The following CLASP2 variants were observed in gnomAD, a reference collection of about 807,000 sequenced individuals.
The protein encoded by CLASP2 is CLIP-associating protein 2.
CLASP2 carries 47 observed loss-of-function variants against 194.4 expected under a neutral mutation model. The observed-to-expected ratio is 0.24, with a 90% CI of 0.19 to 0.31. The LOEUF (loss-of-function observed/expected upper bound fraction) is 0.31. Ranked by LOEUF, CLASP2 falls within the 10% of genes least tolerant of loss-of-function variation. The pLI, the probability that CLASP2 is intolerant of heterozygous loss-of-function variation, is 1.00. For synonymous variants in CLASP2, 619 were observed against 633.5 expected, an observed-to-expected ratio of 0.98 and a Z score of 0.34; for missense variants, 1,445 against 1,823.6, an observed-to-expected ratio of 0.79 and a Z score of 3.78.
intron 7 of CLASP2, among the ~76,000 whole-genome samples, chr3:33,652,029 C>T (rs142494647): frequency 1.3e-5 from 2 of 152,242 alleles, no homozygotes; most frequent in Non-Finnish European, 2.9e-5. Context: ...ATATAAACTG[C>T]ACCATTTTAC....
intron 21 of CLASP2, among the ~76,000 whole-genome samples, chr3:33,591,457 CAA>C (rs1437703920): frequency 6.6e-6 from 1 of 151,606 alleles, no homozygotes; most frequent in African/African-American, 2.4e-5. Context: ...TTAAAACAAA[CAA>C]AAAATTAGCC....
At chr3:33,659,050 C>G in intron 7 of CLASP2, 1 of 1,532,038 alleles carries the variant, frequency 6.5e-7, no homozygotes, top group Non-Finnish European at 8.7e-7. Context: ...ATAAGTACAG[C>G]TCAGTGCCTG....
chr3:33,584,674 C>T, intron 22 of CLASP2, 76 bp downstream of exon 22: 1 of 1,320,436 alleles, frequency 7.6e-7, no homozygotes, highest in South Asian at 1.6e-5. Flanking sequence ...ATTCCAAAGT[C>T]TTCAATGCTG....
intron 18 of CLASP2, among the ~76,000 whole-genome samples, chr3:33,601,103 C>T (rs534499426): frequency 8.7e-4 from 132 of 152,014 alleles, no homozygotes; most frequent in Middle Eastern, 3.4e-3. Context: ...GGACTACAGG[C>T]GCTCGCCACC....
chr3:33,603,251 G>T, intron 17 of CLASP2, 126 bp from the exon 18 acceptor site: 2 of 965,836 alleles, frequency 2.1e-6, no homozygotes, highest in East Asian at 2.6e-5. Flanking sequence ...TGGCCAAATG[G>T]ACAGTACTAT....
At chr3:33,683,839 C>T (rs138981584) in intron 6 of CLASP2, among the ~76,000 whole-genome samples, 16 of 148,346 alleles carry the variant, frequency 1.1e-4, no homozygotes, top group Non-Finnish European at 1.6e-4. Context: ...ACTTGGGAGG[C>T]TGAGATAGGG....
intron 1 of CLASP2, among the ~76,000 whole-genome samples, chr3:33,712,110 A>G (rs1461941195): frequency 6.6e-6 from 1 of 152,214 alleles, no homozygotes; most frequent in African/African-American, 2.4e-5. Flanking sequence ...TATGGAACCA[A>G]CCTAAGTGCC....
intron 6 of CLASP2, among the ~76,000 whole-genome samples, chr3:33,666,929 T>C (rs1171593389): frequency 6.6e-6 from 1 of 152,206 alleles, no homozygotes; most frequent in Non-Finnish European, 1.5e-5. Context: ...TGGGGGTGCA[T>C]AATAGTTTTG....
chr3:33,548,128 C>T (rs1270562528), intron 30 of CLASP2, among the ~76,000 whole-genome samples: 1 of 151,056 alleles, frequency 6.6e-6, no homozygotes, highest in Non-Finnish European at 1.5e-5. Context: ...TCTATTCATG[C>T]TATCTATTTC....
At chr3:33,584,282 GTT>G (rs35355235) in intron 22 of CLASP2, among the ~76,000 whole-genome samples, 34 of 132,578 alleles carry the variant, frequency 2.6e-4, no homozygotes, top group Admixed American at 6.9e-4. Context: ...TTTGTTTTGG[GTT>G]TTTTTTTTTT....
At chr3:33,555,560 G>C (rs1399978132) in intron 29 of CLASP2, among the ~76,000 whole-genome samples, 1 of 151,998 alleles carries the variant, frequency 6.6e-6, no homozygotes, top group African/African-American at 2.4e-5. Context: ...TAGAGATGGG[G>C]TTTTGCCATG....
chr3:33,565,885 G>A (rs374684486), intron 27 of CLASP2, among the ~76,000 whole-genome samples: 148 of 151,900 alleles, frequency 9.7e-4, no homozygotes, highest in African/African-American at 3.5e-3. Context: ...TATGTTATTG[G>A]TAAGGTTTCT....
intron 18 of CLASP2, among the ~76,000 whole-genome samples, chr3:33,598,395 A>T (rs2071082797): frequency 6.6e-6 from 1 of 151,340 alleles, no homozygotes; most frequent in African/African-American, 2.4e-5. Flanking sequence ...ACCTCTTCCA[A>T]TTCCTTCCCT....
intron 6 of CLASP2, among the ~76,000 whole-genome samples, chr3:33,681,056 C>A (rs2089752586): frequency 7.7e-6 from 1 of 130,712 alleles, no homozygotes; most frequent in African/African-American, 2.8e-5. Flanking sequence ...ACCCGGGAGG[C>A]GGAGGTTGCA....
chr3:33,617,184 G>A (rs1337514274), intron 12 of CLASP2, among the ~76,000 whole-genome samples: 3 of 151,526 alleles, frequency 2.0e-5, no homozygotes, highest in Non-Finnish European at 4.4e-5. Flanking sequence ...TTTAAAATAT[G>A]AAAATAGTGA....
At chr3:33,554,600 T>C (rs1319037948) in intron 29 of CLASP2, 2 of 152,320 alleles carry the variant, frequency 1.3e-5, no homozygotes, top group Admixed American at 1.3e-4. Flanking sequence ...GATGTTGGTG[T>C]AGAGGCCGAC....
chr3:33,701,648 T>C (rs183654089), intron 1 of CLASP2, among the ~76,000 whole-genome samples: 13 of 152,212 alleles, frequency 8.5e-5, no homozygotes, highest in Admixed American at 7.9e-4. Context: ...AGTCCAAAAA[T>C]AGACATACAC....
At chr3:33,652,921 C>T (rs2083457438) in intron 7 of CLASP2, among the ~76,000 whole-genome samples, 1 of 152,168 alleles carries the variant, frequency 6.6e-6, no homozygotes, top group African/African-American at 2.4e-5. Context: ...TTCTCTTTAC[C>T]TCTGCTGCCA....
intron 9 of CLASP2, among the ~76,000 whole-genome samples, chr3:33,629,107 G>A (rs1232950877): frequency 1.3e-5 from 2 of 152,128 alleles, no homozygotes; most frequent in African/African-American, 4.8e-5. Context: ...CTAGAAAGAA[G>A]TGGGATGAAG....
Sources: allele counts gnomAD v4.1 joint callset (sites outside exome capture counted in the v4.1 genomes callset), GRCh38; gene constraint gnomAD v4.1.1; transcripts MANE v1.5; gene names NCBI Gene and HGNC (gene_info 2026-07-23, HGNC 2026-07-21).